Variants in UST observed in about 807,000 individuals in gnomAD.
The protein encoded by UST is uronyl 2-sulfotransferase.
UST carries 21 observed loss-of-function variants against 45.6 expected under a neutral mutation model. The observed-to-expected ratio is 0.46, with a 90% CI of 0.33 to 0.66. The LOEUF is 0.66. UST is among the 30% of genes least tolerant of loss of function. The probability of loss-of-function intolerance (pLI) is 0.02; values close to 1 mark genes in which losing one functional copy is unlikely to be tolerated. For missense variants in UST, 463 were observed against 512.4 expected (o/e 0.90, Z 0.93); for synonymous variants, 215 against 200.6 (o/e 1.07, Z -0.61).
chr6:148,899,965 C>T (rs927046912), intron 2 of UST, among the ~76,000 whole-genome samples: 3 of 152,112 alleles, frequency 2.0e-5, no homozygotes, highest in African/African-American at 7.2e-5. Flanking sequence ...TAAATCAATG[C>T]CCAGTGATTT....
intron 1 of UST, among the ~76,000 whole-genome samples, chr6:148,786,911 C>T (rs1024625257): frequency 6.6e-6 from 1 of 152,110 alleles, no homozygotes; most frequent in Admixed American, 6.5e-5. Context: ...GCCATTCTGA[C>T]TGGTGTGAGA....
chr6:148,804,192 A>G (rs1381763381), intron 1 of UST, among the ~76,000 whole-genome samples: 3 of 152,254 alleles, frequency 2.0e-5, no homozygotes, highest in Non-Finnish European at 4.4e-5. Flanking sequence ...TCATTGTCGT[A>G]TCAGGAGTCA....
intron 5 of UST, among the ~76,000 whole-genome samples, chr6:148,976,237 G>A (rs1237052607): frequency 2.0e-5 from 3 of 152,116 alleles, no homozygotes; most frequent in African/African-American, 4.8e-5. Flanking sequence ...TATAAGTAGT[G>A]GTATGCTCAT....
In UST at chr6:149,074,803, T is replaced by A. The variant is rs182934962; in HGVS notation, c.*687T>A. The A allele has an allele frequency of 1.5e-4, 23 of 152,098 alleles. No homozygotes were observed. The highest frequency in any genetic ancestry group is 5.5e-4 in the African/African-American group (23 of 41,452). The allele number at this position is 152,098 out of a possible 1,614,324, so 9.4% of individuals were successfully genotyped here. On this transcript the variant is annotated 3_prime_UTR_variant, in exon 8 of 8. Coordinates refer to ENST00000367463, the MANE Select transcript of UST (RefSeq NM_005715.3). Reference sequence around the variant, plus strand: ...GTGGTTTCTACCCGCATGGGTAGAGTTCTGCCTCTGGTCCTTCTCAGGGGG... The same window carrying A: ...GTGGTTTCTACCCGCATGGGTAGAGATCTGCCTCTGGTCCTTCTCAGGGGG...
At chr6:148,894,264 C>T (rs796999750) in intron 2 of UST, among the ~76,000 whole-genome samples, 6 of 152,288 alleles carry the variant, frequency 3.9e-5, no homozygotes, top group African/African-American at 1.4e-4. Context: ...CCAAAAGATA[C>T]ATTGGATCCT....
At chr6:149,047,417 G>A (rs1429284835) in intron 7 of UST, among the ~76,000 whole-genome samples, 1 of 152,198 alleles carries the variant, frequency 6.6e-6, no homozygotes, top group East Asian at 1.9e-4. Context: ...TCCAATAGAA[G>A]TAGGATTTTC....
At chr6:149,023,350 G>A (rs934365018) in intron 7 of UST, among the ~76,000 whole-genome samples, 47 of 152,130 alleles carry the variant, frequency 3.1e-4, no homozygotes, top group Non-Finnish European at 5.7e-4. Flanking sequence ...GAGGAACTGA[G>A]ACCTCAGACC....
chr6:148,830,871 A>G (rs1488772029), intron 1 of UST, among the ~76,000 whole-genome samples: 1 of 152,132 alleles, frequency 6.6e-6, no homozygotes, highest in Non-Finnish European at 1.5e-5. Context: ...AAAGTTATGG[A>G]GAGGGATAGT....
intron 2 of UST, among the ~76,000 whole-genome samples, chr6:148,893,944 G>C (rs1380244909): frequency 6.6e-6 from 1 of 152,112 alleles, no homozygotes; most frequent in Admixed American, 6.5e-5. Context: ...CTTGAGCCCA[G>C]AGAGTTGGAG....
At chr6:148,855,897 T>C (rs1778193828) in intron 1 of UST, among the ~76,000 whole-genome samples, 1 of 152,192 alleles carries the variant, frequency 6.6e-6, no homozygotes, top group Admixed American at 6.5e-5. Context: ...GGGCAGCACC[T>C]GGACCTGACA....
At chr6:148,943,829 C>T (rs954032344) in intron 3 of UST, among the ~76,000 whole-genome samples, 2 of 152,054 alleles carry the variant, frequency 1.3e-5, no homozygotes, top group African/African-American at 4.8e-5. Flanking sequence ...TTTAAAAACG[C>T]ATGGCAAAGG....
rs148716129 is a variant in UST, at chr6:149,015,329, T to C, written c.682-3810T>C. Among the ~76,000 whole-genome samples the C allele has an allele frequency of 3.2e-3, 485 of 152,358 alleles. 4 individuals are homozygous for C. The highest frequency in any genetic ancestry group is 0.011 in the African/African-American group (462 of 41,576). Reference sequence around the variant, plus strand: ...CAAATGGATTAATTTTTGTACAGTGTTGGCAATGAAAAGGATTCTCATAGT... The same window carrying C: ...CAAATGGATTAATTTTTGTACAGTGCTGGCAATGAAAAGGATTCTCATAGT... On this transcript the variant is annotated intron_variant, in intron 5 of 7. Coordinates refer to ENST00000367463, the MANE Select transcript of UST (RefSeq NM_005715.3).
At chr6:149,058,036 A>G (rs1221055375) in intron 7 of UST, among the ~76,000 whole-genome samples, 1 of 152,240 alleles carries the variant, frequency 6.6e-6, no homozygotes, top group Non-Finnish European at 1.5e-5. Context: ...AGAAAAATAA[A>G]TGTTTATGTT....
In UST at chr6:148,816,610, C is replaced by A. The variant is rs144870382; in HGVS notation, c.247+68933C>A. Among the ~76,000 whole-genome samples, 305 of 152,170 alleles carry A rather than the reference C, an allele frequency of 2.0e-3. 1 individual carries two copies. The highest frequency in any genetic ancestry group is 7.2e-3 in the African/African-American group (299 of 41,536). On this transcript the variant is annotated intron_variant, in intron 1 of 7. Coordinates refer to ENST00000367463, the MANE Select transcript of UST (RefSeq NM_005715.3). ...ACCAAAACCCAACAAAAGAGTCATGCCCTCAAGTATATGTGCATGGACTTG... is the reference window on the plus strand; with the variant it reads ...ACCAAAACCCAACAAAAGAGTCATGACCTCAAGTATATGTGCATGGACTTG...
intron 2 of UST, among the ~76,000 whole-genome samples, chr6:148,924,395 G>A (rs6570910): frequency 0.33 from 50,806 of 152,028 alleles, 8,613 homozygotes; most frequent in South Asian, 0.45. Flanking sequence ...ATCCCTAGGA[G>A]ACAATCAGCA....
At chr6:149,047,676 A>C (rs568374297) in intron 7 of UST, among the ~76,000 whole-genome samples, 1 of 152,224 alleles carries the variant, frequency 6.6e-6, no homozygotes, top group Non-Finnish European at 1.5e-5. Flanking sequence ...GAACAACAAC[A>C]ACCAAAGAAA....
intron 1 of UST, 98 bp from the exon 2 acceptor site, chr6:148,886,888 A>G: frequency 9.8e-7 from 1 of 1,016,000 alleles, no homozygotes; most frequent in Middle Eastern, 2.5e-4. Flanking sequence ...TCTGAGCAGA[A>G]ATACTGTATA....
chr6:148,815,275 T>A (rs1777334299), intron 1 of UST, among the ~76,000 whole-genome samples: 1 of 152,256 alleles, frequency 6.6e-6, no homozygotes, highest in Non-Finnish European at 1.5e-5. Context: ...TAGTATTAGT[T>A]GCCTCTAGGG....
At chr6:149,062,492 GAC>G (rs2115042429) in intron 7 of UST, among the ~76,000 whole-genome samples, 1 of 152,322 alleles carries the variant, frequency 6.6e-6, no homozygotes, top group South Asian at 2.1e-4. Context: ...AAATGAAAAA[GAC>G]ACAGTCCCTT....
Sources: gnomAD v4.1 joint callset for allele counts (sites outside exome capture counted in the v4.1 genomes callset) on GRCh38, gnomAD v4.1.1 for gene constraint, MANE v1.5 for transcripts, NCBI Gene and HGNC (gene_info 2026-07-23, HGNC 2026-07-21) for gene names.